Variants in TMEM232 observed in about 807,000 individuals in gnomAD.
TMEM232 encodes the protein transmembrane protein 232.
A neutral mutation model predicts 78.8 loss-of-function variants in TMEM232; 80 were observed. The observed-to-expected ratio is 1.01, with a 90% CI of 0.85 to 1.22. The LOEUF is 1.22. Among genes scored for constraint, TMEM232 ranks in the 50% most tolerant of loss-of-function variants. The pLI is 0.00. For synonymous variants in TMEM232, 297 were observed against 254.3 expected, an observed-to-expected ratio of 1.17 and a Z score of -1.60; for missense variants, 881 against 742.2, an observed-to-expected ratio of 1.19 and a Z score of -2.17.
intron 12 of TMEM232, among the ~76,000 whole-genome samples, chr5:110,508,916 A>G (rs895896534): frequency 7.1e-6 from 1 of 141,298 alleles, no homozygotes; most frequent in East Asian, 2.0e-4. Flanking sequence ...AATTATATAT[A>G]TGTATATATA....
At chr5:110,491,040 C>G (rs1765035049) in intron 12 of TMEM232, among the ~76,000 whole-genome samples, 1 of 152,008 alleles carries the variant, frequency 6.6e-6, no homozygotes, top group Non-Finnish European at 1.5e-5. Context: ...AAGTGAAAAT[C>G]CACACAATGG....
At chr5:110,570,219 T>C (rs73222676) in intron 10 of TMEM232, among the ~76,000 whole-genome samples, 2,820 of 152,068 alleles carry the variant, frequency 0.019, 104 homozygotes, top group African/African-American at 0.065. Context: ...ACTTTACTAA[T>C]TTAAATTGAG....
intron 1 of TMEM232, among the ~76,000 whole-genome samples, chr5:110,691,939 G>C (rs941656091): frequency 2.0e-5 from 3 of 151,688 alleles, no homozygotes; most frequent in African/African-American, 7.3e-5. Flanking sequence ...TTGTTTTTTT[G>C]GGACGGAGTC....
At chr5:110,477,795 T>A (rs1039707152) in intron 12 of TMEM232, among the ~76,000 whole-genome samples, 1 of 151,918 alleles carries the variant, frequency 6.6e-6, no homozygotes, top group African/African-American at 2.4e-5. Context: ...TTTTGTATAA[T>A]AGAAATACAA....
intron 11 of TMEM232, among the ~76,000 whole-genome samples, chr5:110,532,839 A>G (rs897016366): frequency 1.1e-4 from 17 of 151,982 alleles, no homozygotes; most frequent in African/African-American, 2.2e-4. Context: ...ATCCCATCCC[A>G]CAGCATGCTT....
chr5:110,597,693 C>T (rs1372750239), intron 10 of TMEM232, among the ~76,000 whole-genome samples: 3 of 151,564 alleles, frequency 2.0e-5, no homozygotes, highest in Non-Finnish European at 3.0e-5. Context: ...AGAACAGAGC[C>T]CTCAGAAATA....
intron 12 of TMEM232, among the ~76,000 whole-genome samples, chr5:110,461,351 TG>T (rs1444328402): frequency 1.3e-5 from 2 of 152,178 alleles, no homozygotes; most frequent in Non-Finnish European, 2.9e-5. Flanking sequence ...AGCAAGGCCC[TG>T]ACTCTCTTCA....
chr5:110,401,115 C>A (rs1755574981), intron 2 of TMEM232, among the ~76,000 whole-genome samples: 1 of 151,990 alleles, frequency 6.6e-6, no homozygotes, highest in South Asian at 2.1e-4. Context: ...TTGGAAACTA[C>A]CTGTCCAAAG....
chr5:110,721,673 G>GTGTATATATATATA lies in TMEM232; in HGVS notation c.-13+4953_-13+4954insTATATATATATACA, dbSNP rs146117698. 7.9e-4 allele frequency among the ~76,000 whole-genome samples: 28 copies of GTGTATATATATATA among 35,488 alleles called. 5 individuals carry two copies. Among genetic ancestry groups the GTGTATATATATATA allele is most frequent in the South Asian group, 3.6e-3 (3 of 828 alleles). 23.3% of individuals were successfully genotyped at this position (35,488 alleles called of 152,430 possible). On this transcript the variant is annotated intron_variant, in intron 1 of 13. Coordinates refer to ENST00000455884, the MANE Select transcript of TMEM232 (RefSeq NM_001039763.4). ...GCATATCATGTGTGTGTGTGTGTGT[G>GTGTATATATATATA]TATATATATATCTGTGTGTGTTAGT...
At chr5:110,464,789 C>G (rs924721250) in intron 12 of TMEM232, among the ~76,000 whole-genome samples, 1 of 152,122 alleles carries the variant, frequency 6.6e-6, no homozygotes, top group Non-Finnish European at 1.5e-5. Flanking sequence ...CTCATATATA[C>G]CATAAATCTA....
chr5:110,393,263 T>A (rs1755269500), intron 3 of TMEM232, among the ~76,000 whole-genome samples: 1 of 152,236 alleles, frequency 6.6e-6, no homozygotes, highest in Non-Finnish European at 1.5e-5. Flanking sequence ...AAAGTGTTGA[T>A]GTATCCAACA....
intron 12 of TMEM232, among the ~76,000 whole-genome samples, chr5:110,509,905 A>G (rs886968193): frequency 6.6e-6 from 1 of 152,176 alleles, no homozygotes; most frequent in African/African-American, 2.4e-5. Context: ...GCATTACTAT[A>G]TCATATTTTA....
chr5:110,735,363 TG>T (rs907665198), intron 1 of TMEM232, among the ~76,000 whole-genome samples: 1 of 152,192 alleles, frequency 6.6e-6, no homozygotes, highest in Non-Finnish European at 1.5e-5. Flanking sequence ...TTAAGCCCGT[TG>T]GGGGGTGGTT....
rs76932585 is a variant in TMEM232 at position 110,604,475 on chromosome 5, C to A, written c.1276+634G>T. 9.1e-3 allele frequency among the ~76,000 whole-genome samples: 1,380 copies of A among 152,012 alleles called. 20 individuals carry two copies. The highest frequency in any genetic ancestry group is 0.032 in the African/African-American group (1,308 of 41,460). On this transcript the variant is annotated intron_variant, in intron 10 of 13. Coordinates refer to ENST00000455884, the MANE Select transcript of TMEM232 (RefSeq NM_001039763.4). Reference sequence around the variant, plus strand: ...GGGCAGGAAAGGAGCAAGAGGGAAACAGTAAATGCCTAGAGAAAATGGAGG... The same window carrying A: ...GGGCAGGAAAGGAGCAAGAGGGAAAAAGTAAATGCCTAGAGAAAATGGAGG...
intron 1 of TMEM232, among the ~76,000 whole-genome samples, chr5:110,680,202 C>A (rs1792546048): frequency 6.6e-6 from 1 of 151,778 alleles, no homozygotes; most frequent in Non-Finnish European, 1.5e-5. Context: ...AGTTCAAGAC[C>A]AGCCTGACCA....
intron 2 of TMEM232, among the ~76,000 whole-genome samples, chr5:110,646,748 A>G (rs990269160): frequency 6.6e-6 from 1 of 151,868 alleles, no homozygotes; most frequent in African/African-American, 2.4e-5. Context: ...GTGAACAGGC[A>G]ATCTACGAAT....
intron 10 of TMEM232, among the ~76,000 whole-genome samples, chr5:110,582,356 T>C (rs986660029): frequency 2.0e-5 from 3 of 151,886 alleles, no homozygotes; most frequent in African/African-American, 7.2e-5. Flanking sequence ...ATATCGTTTA[T>C]GGCAACATGT....
At chr5:110,560,711 G>A (rs992404646) in intron 11 of TMEM232, among the ~76,000 whole-genome samples, 1 of 152,136 alleles carries the variant, frequency 6.6e-6, no homozygotes, top group Non-Finnish European at 1.5e-5. Flanking sequence ...TTGTATTACT[G>A]AGAAAATGCA....
At chr5:110,587,347 G>A (rs1778932555) in intron 10 of TMEM232, among the ~76,000 whole-genome samples, 1 of 151,972 alleles carries the variant, frequency 6.6e-6, no homozygotes, top group Non-Finnish European at 1.5e-5. Flanking sequence ...TGAATCTCCA[G>A]CATATGATAT....
Sources: gnomAD v4.1 joint callset for allele counts (sites outside exome capture counted in the v4.1 genomes callset) on GRCh38, gnomAD v4.1.1 for gene constraint, MANE v1.5 for transcripts, NCBI Gene and HGNC (gene_info 2026-07-23, HGNC 2026-07-21) for gene names.